Variants in NEK10 observed in about 807,000 individuals in gnomAD.
The protein encoded by NEK10 is serine/threonine-protein kinase Nek10.
A neutral mutation model predicts 159.8 loss-of-function variants in NEK10; 122 were observed. The observed-to-expected ratio is 0.76, with a 90% CI of 0.66 to 0.89. NEK10 has a LOEUF of 0.89. Ranked by LOEUF, NEK10 falls within the 40% of genes least tolerant of loss-of-function variation. The pLI, the probability that NEK10 is intolerant of heterozygous loss-of-function variation, is 0.00. For synonymous variants in NEK10, 466 were observed against 457.1 expected (o/e 1.02, Z -0.25); for missense variants, 1,342 against 1,323.1 (o/e 1.01, Z -0.22).
intron 1 of NEK10, among the ~76,000 whole-genome samples, chr3:27,362,220 G>GA (rs918751035): frequency 2.6e-5 from 4 of 152,204 alleles, no homozygotes; most frequent in South Asian, 2.1e-4. Flanking sequence ...GCAAGATGCT[G>GA]AAAGTGGCTT....
At chr3:27,331,262 A>AAAAAAAAAAAAAAAAAACC in intron 5 of NEK10, among the ~76,000 whole-genome samples, 1 of 110,082 alleles carries the variant, frequency 9.1e-6, no homozygotes, top group African/African-American at 2.9e-5. Flanking sequence ...AAAAAAAAAA[A>AAAAAAAAAAAAAAAAAACC]ACACACAAAC....
intron 23 of NEK10, among the ~76,000 whole-genome samples, chr3:27,214,436 A>C (rs1477545382): frequency 1.3e-5 from 2 of 152,186 alleles, no homozygotes; most frequent in Non-Finnish European, 1.5e-5. Context: ...TTTTACCTGC[A>C]CTAAATCGCT....
chr3:27,346,131 C>T lies in NEK10; in HGVS notation c.218G>A (p.Gly73Asp), dbSNP rs763457051. 1.3e-5 allele frequency: 21 copies of T among 1,613,610 alleles called. No homozygotes were observed. In the African/African-American group the frequency reaches 2.1e-4, roughly 16 times the overall value. The change falls in exon 4 of 36, where the codon GGT becomes GAT. Residue 73 changes from glycine (G) to aspartate (D), a missense_variant. By Grantham distance (94) the Gly-to-Asp change is moderately conservative. Transcript: ENST00000691995. ...AGCTTCTGTGGATTCATGCCACTGA[C>T]CCCGAGCTCTGTGTCCACCCGCCCT... The part of the protein sequence containing the change: ...AIRAGGHRAR[G>D]QWHESTEAVE...
intron 22 of NEK10, among the ~76,000 whole-genome samples, chr3:27,264,424 T>TA (rs1156728188): frequency 2.6e-5 from 4 of 152,054 alleles, no homozygotes; most frequent in Admixed American, 2.6e-4. Context: ...CAGTGACATA[T>TA]AAAAAGCATA....
chr3:27,217,913 T>A (rs1449198718), intron 23 of NEK10, among the ~76,000 whole-genome samples: 4 of 152,152 alleles, frequency 2.6e-5, no homozygotes, highest in Non-Finnish European at 4.4e-5. Context: ...ATGATAAAGT[T>A]TAATTAATAA....
chr3:27,119,357 T>A (rs1205050968), intron 33 of NEK10, among the ~76,000 whole-genome samples: 5 of 152,180 alleles, frequency 3.3e-5, no homozygotes, highest in Admixed American at 2.6e-4. Flanking sequence ...GAGAAAAAAA[T>A]TCAAGTGTCT....
intron 26 of NEK10, among the ~76,000 whole-genome samples, chr3:27,179,153 T>C (rs1328548685): frequency 1.3e-5 from 2 of 152,180 alleles, no homozygotes; most frequent in African/African-American, 4.8e-5. Context: ...CTACATACAG[T>C]TAAGAGAGCA....
At chr3:27,361,250 AATG>A (rs2048665635) in intron 1 of NEK10, among the ~76,000 whole-genome samples, 2 of 152,216 alleles carry the variant, frequency 1.3e-5, no homozygotes, top group South Asian at 4.1e-4. Flanking sequence ...GTCATTGCAT[AATG>A]ATATTTGTGG....
chr3:27,313,459 C>G (rs1384423475), intron 7 of NEK10, among the ~76,000 whole-genome samples: 1 of 151,996 alleles, frequency 6.6e-6, no homozygotes, highest in African/African-American at 2.4e-5. Flanking sequence ...GCACAGTAAT[C>G]ATTTTCTTGT....
intron 5 of NEK10, among the ~76,000 whole-genome samples, chr3:27,329,311 A>C (rs2046232138): frequency 6.6e-6 from 1 of 152,176 alleles, no homozygotes; most frequent in South Asian, 2.1e-4. Flanking sequence ...GTATGTCTTT[A>C]TTAGCGACGT....
chr3:27,289,446 C>A (rs1299079809), intron 19 of NEK10, among the ~76,000 whole-genome samples: 4 of 152,198 alleles, frequency 2.6e-5, no homozygotes, highest in Non-Finnish European at 5.9e-5. Flanking sequence ...TTTGAGTTAC[C>A]TCAAAGCCCA....
At chr3:27,289,705 G>A (rs2149484392) in intron 19 of NEK10, among the ~76,000 whole-genome samples, 1 of 152,316 alleles carries the variant, frequency 6.6e-6, no homozygotes, top group South Asian at 2.1e-4. Context: ...TACAATGAAA[G>A]AGCACACTGT....
At chr3:27,301,032 C>A (rs565253439) in intron 13 of NEK10, among the ~76,000 whole-genome samples, 1 of 152,294 alleles carries the variant, frequency 6.6e-6, no homozygotes, top group East Asian at 1.9e-4. Context: ...TCCTGCTGGC[C>A]CATACCACAC....
chr3:27,242,164 C>T (rs773149279), intron 23 of NEK10, among the ~76,000 whole-genome samples: 1 of 152,178 alleles, frequency 6.6e-6, no homozygotes, highest in Non-Finnish European at 1.5e-5. Flanking sequence ...GGCATTGATA[C>T]TTTTTTGAGT....
chr3:27,316,452 A>C (rs1478075414), intron 6 of NEK10, among the ~76,000 whole-genome samples: 2 of 152,148 alleles, frequency 1.3e-5, no homozygotes, highest in East Asian at 3.9e-4. Flanking sequence ...GAGATAGAGC[A>C]GAGGACTCTA....
intron 22 of NEK10, among the ~76,000 whole-genome samples, chr3:27,269,186 C>T (rs2041138988): frequency 6.6e-6 from 1 of 152,086 alleles, no homozygotes; most frequent in African/African-American, 2.4e-5. Context: ...ATGCTGTGAA[C>T]GTTGTTAAAA....
At chr3:27,177,615 T>C (rs1363327086) in intron 26 of NEK10, among the ~76,000 whole-genome samples, 1 of 152,138 alleles carries the variant, frequency 6.6e-6, no homozygotes, top group East Asian at 1.9e-4. Context: ...AAAAAATTGA[T>C]ATAATTTTTG....
chr3:27,337,062 A>G (rs1303534850), intron 5 of NEK10, among the ~76,000 whole-genome samples: 1 of 152,140 alleles, frequency 6.6e-6, no homozygotes, highest in Non-Finnish European at 1.5e-5. Context: ...CTCTTTGCAG[A>G]TGACAGGATC....
chr3:27,278,968 C>T, intron 22 of NEK10: 1 of 972,364 alleles, frequency 1.0e-6, no homozygotes, highest in Non-Finnish European at 1.2e-6. Flanking sequence ...AAATGGAGAA[C>T]AAGACCTGAA....
Sources: gnomAD v4.1 joint callset for allele counts (sites outside exome capture counted in the v4.1 genomes callset) on GRCh38, gnomAD v4.1.1 for gene constraint, MANE v1.5 for transcripts, NCBI Gene and HGNC (gene_info 2026-07-23, HGNC 2026-07-21) for gene names.